The following NUP133 variants were observed in gnomAD, a reference collection of about 807,000 sequenced individuals.
The protein encoded by NUP133 is nucleoporin 133, also known as nuclear pore complex protein Nup133.
In NUP133, 66 loss-of-function variants were observed where a neutral mutation model predicts 146.2. The ratio of observed to expected loss-of-function variants is 0.45; its 90% CI spans 0.37 to 0.55. The LOEUF (loss-of-function observed/expected upper bound fraction) is 0.55, where lower values mean the gene tolerates loss of function less well. NUP133 is among the 20% of genes least tolerant of loss of function. NUP133 has a pLI of 0.00. For missense variants in NUP133, 1,277 were observed against 1,374.8 expected (o/e 0.93, Z 1.12); for synonymous variants, 521 against 498.8 (o/e 1.04, Z -0.59).
At chr1:229,499,637 C>A in intron 5 of NUP133, 47 bp downstream of exon 5, 1 of 1,558,326 alleles carries the variant, frequency 6.4e-7, no homozygotes, top group South Asian at 1.2e-5. Context: ...TATTTCCAAG[C>A]CAAATCACAG....
intron 14 of NUP133, among the ~76,000 whole-genome samples, chr1:229,474,802 G>A (rs1661037079): frequency 6.6e-6 from 1 of 152,108 alleles, no homozygotes. Flanking sequence ...TACTGAGTTT[G>A]AAAAACAATC....
At chr1:229,467,010 A>AT (rs1006614970) in intron 15 of NUP133, among the ~76,000 whole-genome samples, 4 of 152,058 alleles carry the variant, frequency 2.6e-5, no homozygotes, top group Non-Finnish European at 4.4e-5. Flanking sequence ...AAGCGATGAT[A>AT]TTTTTTATTA....
chr1:229,485,937 G>A (rs1661337357), intron 11 of NUP133, among the ~76,000 whole-genome samples: 1 of 152,186 alleles, frequency 6.6e-6, no homozygotes, highest in African/African-American at 2.4e-5. Context: ...GCCGAGGCGG[G>A]AGGATTCTTG....
intron 25 of NUP133, among the ~76,000 whole-genome samples, chr1:229,443,869 C>T (rs1262310834): frequency 2.7e-5 from 4 of 148,428 alleles, no homozygotes; most frequent in Non-Finnish European, 5.9e-5. Context: ...GCTGGAAACA[C>T]AGGCATGCAC....
intron 16 of NUP133, 90 bp downstream of exon 16, chr1:229,466,544 G>T: frequency 2.9e-6 from 4 of 1,377,176 alleles, no homozygotes; most frequent in Non-Finnish European, 4.0e-6. Context: ...ATACATTATC[G>T]GCAATACAGA....
At chr1:229,461,947 G>A (rs556406753) in intron 19 of NUP133, among the ~76,000 whole-genome samples, 1 of 151,014 alleles carries the variant, frequency 6.6e-6, no homozygotes, top group South Asian at 2.1e-4. Context: ...GCAGTGGCAC[G>A]ATCTTGGCTC....
In NUP133 at chr1:229,450,572, C is replaced by G. The variant is rs770095711; in HGVS notation, c.3133G>C (p.Glu1045Gln). ...TCCAAAGCTTTCTTGAAATCATATT[C>G]ATTAGCTCTTCTATTTTCTTCACAG... ...YICEENRRAN[E>Q]YDFKKALDLL... is the part of the protein sequence containing the mutation. The change falls in exon 23 of 26, where the codon GAA becomes CAA. Residue 1045 changes from glutamate to glutamine, a missense_variant. Glu to Gln is a conservative substitution (Grantham distance 29). Coordinates refer to ENST00000261396, the MANE Select transcript of NUP133 (RefSeq NM_018230.3). 3.8e-6 allele frequency: 6 copies of G among 1,584,140 alleles called. No homozygotes were observed. In the African/African-American group the frequency reaches 8.1e-5, roughly 21 times the overall value.
chr1:229,458,474 A>G (rs16849782), intron 20 of NUP133, among the ~76,000 whole-genome samples, 178 bp from the exon 21 acceptor site: 4,165 of 152,262 alleles, frequency 0.027, 159 homozygotes, highest in African/African-American at 0.086. Context: ...ACACAGCAAA[A>G]TATCAACCAT....
intron 12 of NUP133, among the ~76,000 whole-genome samples, chr1:229,478,495 T>A (rs1181830560): frequency 6.6e-6 from 1 of 151,716 alleles, no homozygotes; most frequent in Non-Finnish European, 1.5e-5. Flanking sequence ...TACATCCACA[T>A]CCGTCCGCAA....
chr1:229,441,831 T>C lies in NUP133; in HGVS notation c.*73A>G. 8 of 1,252,782 alleles carry C rather than the reference T, an allele frequency of 6.4e-6. 1 individual carries two copies. Among genetic ancestry groups the C allele is most frequent in the Non-Finnish European group, 8.7e-6 (8 of 914,816 alleles). The allele number at this position is 1,252,782 out of a possible 1,614,324, so 77.6% of individuals were successfully genotyped here. The stretch of plus-strand genomic sequence containing the variant: ...TTATGAAATTGTACAAACTTACACT[T>C]GTTTATGGCCTAAAATTTGTATAAG... On this transcript the variant is annotated 3_prime_UTR_variant, in exon 26 of 26. Transcript: ENST00000261396.
intron 19 of NUP133, among the ~76,000 whole-genome samples, chr1:229,462,472 T>C (rs112513278): frequency 0.023 from 3,565 of 152,248 alleles, 141 homozygotes; most frequent in African/African-American, 0.081. Flanking sequence ...TTTACAGTAA[T>C]AAAAAATAAG....
chr1:229,457,367 A>C (rs1464825747), intron 21 of NUP133, among the ~76,000 whole-genome samples: 1 of 152,072 alleles, frequency 6.6e-6, no homozygotes, highest in Non-Finnish European at 1.5e-5. Context: ...CTTGGTTCTA[A>C]AAAATAATAG....
chr1:229,470,348 G>A (rs1660926343), intron 15 of NUP133, among the ~76,000 whole-genome samples: 1 of 152,050 alleles, frequency 6.6e-6, no homozygotes, highest in African/African-American at 2.4e-5. Flanking sequence ...ACAGTTATTG[G>A]GGGAAAAAAG....
rs1270435369 is a variant in NUP133 at position 229,440,877 on chromosome 1, G to C, written c.*1027C>G. On this transcript the variant is annotated 3_prime_UTR_variant, in exon 26 of 26. Coordinates refer to ENST00000261396, the MANE Select transcript of NUP133 (RefSeq NM_018230.3). ...GGGAGACGGCCTGATGCTGGGCTCT[G>C]TGAATCCAGGAACCGGACTCTTCAC... 2 of 152,932 alleles carry C rather than the reference G, an allele frequency of 1.3e-5. No homozygotes were observed. The highest frequency in any genetic ancestry group is 2.9e-5 in the Non-Finnish European group (2 of 68,562). The allele number at this position is 152,932 out of a possible 1,614,324, so 9.5% of individuals were successfully genotyped here.
intron 10 of NUP133, among the ~76,000 whole-genome samples, chr1:229,486,914 A>G (rs890737662): frequency 6.9e-6 from 1 of 145,298 alleles, no homozygotes; most frequent in Non-Finnish European, 1.5e-5. Flanking sequence ...AAAAAAAAAA[A>G]AAAAAAAAAG....
At position 229,477,631 on chromosome 1, in the gene NUP133, T is replaced by G; in HGVS notation, c.1722A>C (p.Ala574=). 2.5e-6 allele frequency: 4 copies of G among 1,613,850 alleles called. No individual in the cohort carries two copies. Among genetic ancestry groups the G allele is most frequent in the Non-Finnish European group, 1.7e-6 (2 of 1,179,840 alleles). The change falls in exon 13 of 26, where the codon GCA becomes GCC. Residue 574 remains alanine, a synonymous_variant. Transcript: ENST00000261396. ...ISVDLMDDYP[A]SDPRWAESVP... is the part of the protein sequence containing the mutation. ...CAGACTCAGCCCACCGTGGGTCAGA[T>G]GCTGGGTAGTCATCCATCAGGTCTA...
At chr1:229,487,649 G>T in intron 9 of NUP133, 36 bp from the exon 10 acceptor site, 1 of 1,468,978 alleles carries the variant, frequency 6.8e-7, no homozygotes, top group South Asian at 1.2e-5. Context: ...TTAACAAGAA[G>T]TAAAACAAAA....
intron 25 of NUP133, among the ~76,000 whole-genome samples, chr1:229,444,662 T>C (rs1395414307): frequency 1.3e-5 from 2 of 151,330 alleles, no homozygotes; most frequent in Non-Finnish European, 2.9e-5. Context: ...GCCTGGCCAA[T>C]ATGGTGAAAC....
intron 14 of NUP133, among the ~76,000 whole-genome samples, chr1:229,474,947 G>GA (rs927974068): frequency 1.3e-5 from 2 of 151,412 alleles, no homozygotes; most frequent in African/African-American, 4.9e-5. Flanking sequence ...TACAAAAACT[G>GA]AAAAAAAATT....
Sources: gnomAD v4.1 joint callset for allele counts (sites outside exome capture counted in the v4.1 genomes callset) on GRCh38, gnomAD v4.1.1 for gene constraint, MANE v1.5 for transcripts, NCBI Gene and HGNC (gene_info 2026-07-23, HGNC 2026-07-21) for gene names.